The following GRIA2 variants were observed in gnomAD, a reference collection of about 807,000 sequenced individuals.
The protein encoded by GRIA2 is glutamate receptor 2.
In GRIA2, 14 loss-of-function variants were observed where a neutral mutation model predicts 97.3. The observed-to-expected ratio is 0.14, with a 90% CI of 0.10 to 0.23. The LOEUF (loss-of-function observed/expected upper bound fraction) is 0.23, where lower values mean the gene tolerates loss of function less well. Ranked by LOEUF, GRIA2 falls within the 10% of genes least tolerant of loss-of-function variation. The pLI is 1.00. For missense variants in GRIA2, 558 were observed against 1,069.8 expected (o/e 0.52, Z 6.67); for synonymous variants, 412 against 387.8 (o/e 1.06, Z -0.73).
chr4:157,294,916 A>G (rs1194943055), intron 2 of GRIA2, among the ~76,000 whole-genome samples: 2 of 152,162 alleles, frequency 1.3e-5, no homozygotes, highest in Non-Finnish European at 2.9e-5. Context: ...AGAGGATAGA[A>G]CTATATGAAT....
intron 12 of GRIA2, among the ~76,000 whole-genome samples, chr4:157,348,696 T>G (rs532904867): frequency 6.6e-6 from 1 of 152,284 alleles, no homozygotes; most frequent in African/African-American, 2.4e-5. Context: ...TTATAGTATC[T>G]CTCTCAGATT....
chr4:157,320,365 G>T (rs947488183), intron 5 of GRIA2, among the ~76,000 whole-genome samples: 14 of 152,144 alleles, frequency 9.2e-5, no homozygotes, highest in African/African-American at 3.4e-4. Context: ...GATAAATTAA[G>T]AAAGAGCAGT....
chr4:157,348,073 G>A (rs1735839753), intron 12 of GRIA2, among the ~76,000 whole-genome samples: 1 of 151,618 alleles, frequency 6.6e-6, no homozygotes, highest in East Asian at 1.9e-4. Context: ...CCGGGATCAC[G>A]CCACTGCACT....
Position 157,364,558 on chromosome 4 carries a change from C to T in GRIA2, c.*1127C>T, listed in dbSNP as rs1736797267. 6.6e-6 allele frequency: 1 copy of T among 151,920 alleles called. No homozygotes were observed. Among genetic ancestry groups the T allele is most frequent in the Admixed American group, 6.6e-5 (1 of 15,154 alleles). The allele number at this position is 151,920 out of a possible 1,614,324, so 9.4% of individuals were successfully genotyped here. ...AATAGATTTAAAAAGCTAATATTAA[C>T]AAATACCAGAATACGTGAAGTTCCA... On this transcript the variant is annotated 3_prime_UTR_variant, in exon 16 of 16. Transcript: ENST00000264426.
intron 2 of GRIA2, among the ~76,000 whole-genome samples, chr4:157,264,659 A>G (rs780846735): frequency 6.6e-6 from 1 of 152,118 alleles, no homozygotes; most frequent in East Asian, 1.9e-4. Context: ...CCCACCACAG[A>G]TGATTGTAAC....
At chr4:157,228,433 G>C (rs948855704) in intron 2 of GRIA2, among the ~76,000 whole-genome samples, 1 of 152,088 alleles carries the variant, frequency 6.6e-6, no homozygotes, top group Non-Finnish European at 1.5e-5. Context: ...AAAATGATAT[G>C]CTGAATATAT....
In GRIA2 at chr4:157,260,034, C is replaced by A. The variant is rs1411541577; in HGVS notation, c.229+38227C>A. ...CACAAGTCTATGTCATAACAGAGTT[C>A]ATTGTCCTTTTTTCTTGTAAAGACA... On this transcript the variant is annotated intron_variant, in intron 2 of 15. Transcript: ENST00000264426. Among the ~76,000 whole-genome samples the A allele has an allele frequency of 2.0e-5, 3 of 152,104 alleles. No individual in the cohort carries two copies. The South Asian group carries it at 6.2e-4, about 31-fold the overall frequency.
At chr4:157,293,253 A>G in intron 2 of GRIA2, among the ~76,000 whole-genome samples, 1 of 152,174 alleles carries the variant, frequency 6.6e-6, no homozygotes, top group East Asian at 1.9e-4. Context: ...ATGTATTCAC[A>G]TGTTCACTGC....
chr4:157,315,388 A>C (rs905362293), intron 4 of GRIA2, among the ~76,000 whole-genome samples: 1 of 151,940 alleles, frequency 6.6e-6, no homozygotes, highest in African/African-American at 2.4e-5. Context: ...AAAAAAAAAA[A>C]AAAAGAAACA....
intron 2 of GRIA2, among the ~76,000 whole-genome samples, chr4:157,269,491 G>T (rs1434299011): frequency 6.6e-6 from 1 of 152,042 alleles, no homozygotes; most frequent in Non-Finnish European, 1.5e-5. Context: ...GCTTAGGTAG[G>T]TAACTTGGCC....
At chr4:157,358,417 A>T (rs1736488073) in intron 12 of GRIA2, among the ~76,000 whole-genome samples, 1 of 152,216 alleles carries the variant, frequency 6.6e-6, no homozygotes, top group Non-Finnish European at 1.5e-5. Context: ...ACAGAAAGAA[A>T]GCTTGATTCA....
At chr4:157,276,225 A>G (rs958402091) in intron 2 of GRIA2, among the ~76,000 whole-genome samples, 4 of 152,128 alleles carry the variant, frequency 2.6e-5, no homozygotes, top group Non-Finnish European at 4.4e-5. Flanking sequence ...GTAAAAACCA[A>G]TAACAGAAAG....
chr4:157,353,902 TA>T (rs2126978790), intron 12 of GRIA2, among the ~76,000 whole-genome samples: 1 of 152,254 alleles, frequency 6.6e-6, no homozygotes, highest in African/African-American at 2.4e-5. Context: ...TACTTTTCTT[TA>T]AACTATTTTA....
chr4:157,264,906 C>G (rs1371909877), intron 2 of GRIA2, among the ~76,000 whole-genome samples: 3 of 152,070 alleles, frequency 2.0e-5, no homozygotes, highest in Non-Finnish European at 4.4e-5. Flanking sequence ...CCCACACACA[C>G]ATGTACTATA....
chr4:157,336,312 C>G, intron 10 of GRIA2, 65 bp from the exon 11 acceptor site: 1 of 1,282,748 alleles, frequency 7.8e-7, no homozygotes, highest in Non-Finnish European at 1.1e-6. Context: ...GATCCAGTGA[C>G]ATAACCACGA....
intron 2 of GRIA2, among the ~76,000 whole-genome samples, chr4:157,256,192 C>T (rs10026442): frequency 1.4e-4 from 18 of 127,040 alleles, no homozygotes; most frequent in Non-Finnish European, 1.4e-4. Flanking sequence ...TAATATATAA[C>T]ATATATTACA....
intron 2 of GRIA2, among the ~76,000 whole-genome samples, chr4:157,273,521 A>G (rs906399954): frequency 6.6e-6 from 1 of 152,104 alleles, no homozygotes; most frequent in Non-Finnish European, 1.5e-5. Flanking sequence ...TAACGTAAGC[A>G]TAGATAGAAA....
At chr4:157,304,757 A>G (rs1733765046) in intron 3 of GRIA2, among the ~76,000 whole-genome samples, 1 of 152,122 alleles carries the variant, frequency 6.6e-6, no homozygotes, top group Non-Finnish European at 1.5e-5. Flanking sequence ...TTCGACCAAG[A>G]TAGGGCACCT....
At chr4:157,230,148 C>T (rs1236483950) in intron 2 of GRIA2, among the ~76,000 whole-genome samples, 1 of 152,014 alleles carries the variant, frequency 6.6e-6, no homozygotes, top group Non-Finnish European at 1.5e-5. Flanking sequence ...GCTCATAAAC[C>T]CTTTGCAGCT....
Sources: gnomAD v4.1 joint callset for allele counts (sites outside exome capture counted in the v4.1 genomes callset) on GRCh38, gnomAD v4.1.1 for gene constraint, MANE v1.5 for transcripts, NCBI Gene and HGNC (gene_info 2026-07-23, HGNC 2026-07-21) for gene names.